Variants in MYCN observed in about 807,000 individuals in gnomAD.
MYCN encodes N-myc proto-oncogene protein.
In MYCN, 3 loss-of-function variants were observed where a neutral mutation model predicts 28.1. That is an observed-to-expected ratio of 0.11 (90% confidence interval 0.05 to 0.28). MYCN has a LOEUF of 0.28. MYCN is among the 10% of genes least tolerant of loss of function. MYCN has a pLI of 1.00. For missense variants in MYCN, 572 were observed against 651.4 expected, an observed-to-expected ratio of 0.88 and a Z score of 1.33; for synonymous variants, 326 against 288.3, an observed-to-expected ratio of 1.13 and a Z score of -1.32.
Position 15,942,501 on chromosome 2 carries a change from C to T in MYCN, c.437C>T (p.Thr146Ile), listed in dbSNP as rs2103324993. Residue 146 changes from threonine (T) to isoleucine (I), a missense_variant, in exon 2 of 3, where the codon ACC becomes ATC. Thr to Ile is a moderately conservative substitution (Grantham distance 89). This residue lies in a region of MYCN where 499 missense variants were observed against 524.3 expected (regional missense o/e 0.95). Coordinates refer to ENST00000281043, the MANE Select transcript of MYCN (RefSeq NM_005378.6). The surrounding 1 kb of genome is among the most constrained non-coding windows in gnomAD (Gnocchi z 7.0). ...HGRGPPTAGS[T>I]AQSPGAGAAS... ...CGCGGGCCGCCAACCGCCGGTTCCA[C>T]CGCCCAGTCCCCGGGAGCCGGCGCC... 1 of 1,516,546 alleles carries T rather than the reference C, an allele frequency of 6.6e-7. No individual in the cohort carries two copies. Among genetic ancestry groups the T allele is most frequent in the South Asian group, 1.2e-5 (1 of 81,158 alleles). 93.9% of individuals were successfully genotyped at this position (1,516,546 alleles called of 1,614,324 possible).
In MYCN at chr2:15,945,398, G is replaced by C. The variant is rs895901722; in HGVS notation, c.791-95G>C. On this transcript the variant is annotated intron_variant, in intron 2 of 2. Coordinates refer to ENST00000281043, the MANE Select transcript of MYCN (RefSeq NM_005378.6). The surrounding 1 kb of genome is among the most constrained non-coding windows in gnomAD (Gnocchi z 4.8). ...AAATAGCAGTCTGCCAGGGTCTGCC[G>C]GAAGAGACAGATAAGCATACATATT... 1 of 1,436,554 alleles carries C rather than the reference G, an allele frequency of 7.0e-7. No individual in the cohort carries two copies. The highest frequency in any genetic ancestry group is 2.0e-5 in the Admixed American group (1 of 50,762). The allele number at this position is 1,436,554 out of a possible 1,614,324, so 89.0% of individuals were successfully genotyped here.
At chr2:15,940,827 C>A (rs1489918691) in intron 1 of MYCN, 84 bp downstream of exon 1, 1 of 398,188 alleles carries the variant, frequency 2.5e-6, no homozygotes, top group Non-Finnish European at 4.4e-6. Flanking sequence ...GGGATTGCGA[C>A]GTGCGCACCG....
intron 2 of MYCN, among the ~76,000 whole-genome samples, chr2:15,944,991 TG>T (rs1558535634): frequency 8.0e-6 from 1 of 125,456 alleles, no homozygotes; most frequent in East Asian, 3.4e-4. Context: ...TATGTATGTA[TG>T]GGGGGTTGTT....
rs1203056687 is a variant in MYCN at position 15,942,280 on chromosome 2, C to G, written c.216C>G (p.Ser72=). 1.2e-6 allele frequency: 2 copies of G among 1,610,938 alleles called. No individual in the cohort carries two copies. Among genetic ancestry groups the G allele is most frequent in the Non-Finnish European group, 1.7e-6 (2 of 1,179,196 alleles). The change falls in exon 2 of 3, where the codon TCC becomes TCG. Residue 72 remains serine (S), a synonymous_variant. Coordinates refer to ENST00000281043, the MANE Select transcript of MYCN (RefSeq NM_005378.6). This position sits in a 1 kb window ranked among gnomAD's most constrained non-coding sequence, Gnocchi z 7.0. The part of the protein sequence containing the change: ...SPSRGFAEHS[S]EPPSWVTEML... ...GCCGTGGCTTCGCGGAGCACAGCTC[C>G]GAGCCCCCGAGCTGGGTCACGGAGA... is the stretch of plus-strand genomic sequence containing the variant.
At position 15,940,601 on chromosome 2, in the gene MYCN, T is replaced by A. The variant is rs936259634; in HGVS notation, c.-260T>A. ...GCGCTGGGTGGATGCGGGGGGCTCC[T>A]GGGAACTGTGTTGGAGCCGAGCAAG... On this transcript the variant is annotated 5_prime_UTR_variant, in exon 1 of 3. Coordinates refer to ENST00000281043, the MANE Select transcript of MYCN (RefSeq NM_005378.6). 7 of 400,272 alleles carry A rather than the reference T, an allele frequency of 1.7e-5. No individual in the cohort carries two copies. Among genetic ancestry groups the A allele is most frequent in the African/African-American group, 1.4e-4 (7 of 48,674 alleles). The allele number at this position is 400,272 out of a possible 1,614,324, so 24.8% of individuals were successfully genotyped here.
chr2:15,945,931 A>G lies in MYCN; in HGVS notation c.1229A>G (p.Glu410Gly), dbSNP rs1476765674. 6 of 1,613,978 alleles carry G rather than the reference A, an allele frequency of 3.7e-6. No individual in the cohort carries two copies. The highest frequency in any genetic ancestry group is 5.1e-6 in the Non-Finnish European group (6 of 1,180,040). ...CTCACGCTCAGGGACCACGTGCCGG[A>G]GTTGGTAAAGAATGAGAAGGCCGCC... ...SFLTLRDHVPELVKNEKAAKV... is the reference protein window; with the variant it reads ...SFLTLRDHVPGLVKNEKAAKV... The change falls in exon 3 of 3, where the codon GAG (glutamate) becomes GGG (glycine). Residue 410 changes from glutamate (E) to glycine (G), a missense_variant. Glu to Gly is a moderately conservative substitution (Grantham distance 98). Coordinates refer to ENST00000281043, the MANE Select transcript of MYCN (RefSeq NM_005378.6). The surrounding 1 kb of genome is among the most constrained non-coding windows in gnomAD (Gnocchi z 4.8).
intron 2 of MYCN, among the ~76,000 whole-genome samples, chr2:15,944,272 G>C (rs563214548): frequency 2.0e-4 from 31 of 152,250 alleles, no homozygotes; most frequent in Admixed American, 1.8e-3. Flanking sequence ...TTTCATGCTT[G>C]TATTTTAAAC....
intron 2 of MYCN, among the ~76,000 whole-genome samples, chr2:15,943,345 G>T (rs977839931): frequency 6.6e-6 from 1 of 151,948 alleles, no homozygotes; most frequent in African/African-American, 2.4e-5. Context: ...TAAGGCGCAG[G>T]AACTTATAGG....
chr2:15,943,708 T>C (rs1383904103), intron 2 of MYCN, among the ~76,000 whole-genome samples: 1 of 152,232 alleles, frequency 6.6e-6, no homozygotes, highest in African/African-American at 2.4e-5. Context: ...GAGTTGTATC[T>C]GTAACCCAGT....
At chr2:15,943,703 G>GT (rs1403722360) in intron 2 of MYCN, among the ~76,000 whole-genome samples, 1 of 152,220 alleles carries the variant, frequency 6.6e-6, no homozygotes, top group African/African-American at 2.4e-5. Context: ...GATGTGAGTT[G>GT]TATCTGTAAC....
rs1558536330 is a variant in MYCN at position 15,945,832 on chromosome 2, C to T, written c.1130C>T (p.Ser377Leu). 2 of 1,614,042 alleles carry T rather than the reference C, an allele frequency of 1.2e-6. No individual in the cohort carries two copies. Among genetic ancestry groups the T allele is most frequent in the East Asian group, 2.2e-5 (1 of 44,880 alleles). The change falls in exon 3 of 3, where the codon TCG becomes TTG. Residue 377 changes from serine to leucine, a missense_variant. Ser to Leu is a moderately radical substitution (Grantham distance 145, BLOSUM62 -2). Transcript: ENST00000281043. The surrounding 1 kb of genome is among the most constrained non-coding windows in gnomAD (Gnocchi z 4.8). Reference sequence around the variant, plus strand: ...AGCTTGAGCCCCCGAAACTCTGACTCGGAGGACAGTGAGCGTCGCAGAAAC... The same window carrying T: ...AGCTTGAGCCCCCGAAACTCTGACTTGGAGGACAGTGAGCGTCGCAGAAAC... ...AKSLSPRNSDSEDSERRRNHN... is the reference protein window; with the variant it reads ...AKSLSPRNSDLEDSERRRNHN...
At chr2:15,944,451 T>C (rs552339339) in intron 2 of MYCN, among the ~76,000 whole-genome samples, 1 of 152,218 alleles carries the variant, frequency 6.6e-6, no homozygotes, top group African/African-American at 2.4e-5. Flanking sequence ...TAAGATTTGA[T>C]CTTTGTTAAA....
At position 15,945,228 on chromosome 2, in the gene MYCN, C is replaced by T. The variant is rs1441175758; in HGVS notation, c.791-265C>T. Among the ~76,000 whole-genome samples the T allele has an allele frequency of 6.6e-6, 1 of 151,978 alleles. No homozygotes were observed. Among genetic ancestry groups the T allele is most frequent in the Non-Finnish European group, 1.5e-5 (1 of 68,002 alleles). On this transcript the variant is annotated intron_variant, in intron 2 of 2. Transcript: ENST00000281043. This position sits in a 1 kb window ranked among gnomAD's most constrained non-coding sequence, Gnocchi z 4.8. Reference sequence around the variant, plus strand: ...TTGGCCAGGCTGATCTTGAACTCCTCATCTCAGGTGATCTGCCCGCCTCCG... The same window carrying T: ...TTGGCCAGGCTGATCTTGAACTCCTTATCTCAGGTGATCTGCCCGCCTCCG...
rs1662687364 is a variant in MYCN, at chr2:15,941,887, T to TTGCC, written c.-117-59_-117-56dup. On this transcript the variant is annotated intron_variant, in intron 1 of 2. Transcript: ENST00000281043. This position sits in a 1 kb window ranked among gnomAD's most constrained non-coding sequence, Gnocchi z 4.8. ...GGAACCTGGTTAGAGGGGGCGCCCA[T>TTGCC]TGCCTATCCCCTCGGTCTGCCCCGT... 2 of 701,608 alleles carry TTGCC rather than the reference T, an allele frequency of 2.9e-6. No individual in the cohort carries two copies. The highest frequency in any genetic ancestry group is 5.1e-5 in the Admixed American group (2 of 39,540). 43.5% of individuals were successfully genotyped at this position (701,608 alleles called of 1,614,324 possible). A position where few individuals can be genotyped will look rare whatever the true frequency, so the allele number is the denominator to read the frequency against.
rs1662850757 is a variant in MYCN at position 15,945,767 on chromosome 2, C to T, written c.1065C>T (p.Ser355=). 6.2e-7 allele frequency: 1 copy of T among 1,613,952 alleles called. No individual in the cohort carries two copies. The highest frequency in any genetic ancestry group is 8.5e-7 in the Non-Finnish European group (1 of 1,180,018). Residue 355 remains serine (S), a synonymous_variant, in exon 3 of 3, where the codon TCC becomes TCT. Transcript: ENST00000281043. The surrounding 1 kb of genome is among the most constrained non-coding windows in gnomAD (Gnocchi z 4.8). The part of the protein sequence containing the change: ...PPQKKIKSEA[S]PRPLKSVIPP... ...AGAAGAAGATAAAGAGCGAGGCGTCCCCACGTCCGCTCAAGAGTGTCATCC... is the reference window on the plus strand; with the variant it reads ...AGAAGAAGATAAAGAGCGAGGCGTCTCCACGTCCGCTCAAGAGTGTCATCC...
chr2:15,943,149 T>C (rs1164159323), intron 2 of MYCN, among the ~76,000 whole-genome samples: 1 of 152,202 alleles, frequency 6.6e-6, no homozygotes, highest in Non-Finnish European at 1.5e-5. Context: ...ACCTCTCTTT[T>C]GCAGCGCAGT....
In MYCN at chr2:15,942,786, G is replaced by T. The variant is rs754314632; in HGVS notation, c.722G>T (p.Gly241Val). The change falls in exon 2 of 3, where the codon GGC becomes GTC. Residue 241 changes from glycine to valine, a missense_variant. Physicochemically the swap from Gly to Val is moderately radical, Grantham distance 109 (BLOSUM62 -3). Transcript: ENST00000281043. The surrounding 1 kb of genome is among the most constrained non-coding windows in gnomAD (Gnocchi z 7.0). ...APGVAPPRPG[G>V]RQTSGGDHKA... is the part of the protein sequence containing the mutation. ...GGGGTCGCCCCTCCGCGCCCAGGCG[G>T]CCGCCAGACCAGCGGCGGCGACCAC... The T allele has an allele frequency of 1.3e-6, 2 of 1,498,600 alleles. No individual in the cohort carries two copies. The highest frequency in any genetic ancestry group is 1.8e-6 in the Non-Finnish European group (2 of 1,127,722). The allele number at this position is 1,498,600 out of a possible 1,614,324, so 92.8% of individuals were successfully genotyped here. A position where few individuals can be genotyped will look rare whatever the true frequency, so the allele number is the denominator to read the frequency against.
In MYCN at chr2:15,942,532, C is replaced by T; in HGVS notation, c.468C>T (p.Ser156=). 2 of 1,327,084 alleles carry T rather than the reference C, an allele frequency of 1.5e-6. No individual in the cohort carries two copies. 82.2% of individuals were successfully genotyped at this position (1,327,084 alleles called of 1,614,324 possible). ...TAQSPGAGAA[S]PAGRGHGGAA... ...AGTCCCCGGGAGCCGGCGCCGCCAG[C>T]CCTGCGGGTCGCGGGCACGGCGGGG... Residue 156 remains serine, a synonymous_variant, in exon 2 of 3, where the codon AGC becomes AGT. Coordinates refer to ENST00000281043, the MANE Select transcript of MYCN (RefSeq NM_005378.6). The surrounding 1 kb of genome is among the most constrained non-coding windows in gnomAD (Gnocchi z 7.0).
chr2:15,940,555 G>A lies in MYCN; in HGVS notation c.-306G>A. The A allele has an allele frequency of 2.5e-6, 1 of 399,568 alleles. No individual in the cohort carries two copies. The highest frequency in any genetic ancestry group is 4.1e-4 in the Middle Eastern group (1 of 2,444). 24.8% of individuals were successfully genotyped at this position (399,568 alleles called of 1,614,324 possible). A position where few individuals can be genotyped will look rare whatever the true frequency, so the allele number is the denominator to read the frequency against. On this transcript the variant is annotated 5_prime_UTR_variant, in exon 1 of 3. The change creates a new upstream start codon in the 5' untranslated region. Coordinates refer to ENST00000281043, the MANE Select transcript of MYCN (RefSeq NM_005378.6). ...TCCCCCGAGCTTCAAAGCGCAGGCT[G>A]TGACAGTCATCTGTCTGGACGCGCT...
Sources: allele counts gnomAD v4.1 joint callset (sites outside exome capture counted in the v4.1 genomes callset), GRCh38; gene constraint gnomAD v4.1.1; regional missense constraint gnomAD v4.1.1; non-coding constraint Gnocchi (gnomAD v3.1); transcripts MANE v1.5; gene names NCBI Gene and HGNC (gene_info 2026-07-23, HGNC 2026-07-21).